TOMM34: variants seen among roughly 807,000 people sequenced by gnomAD.
TOMM34 encodes mitochondrial import receptor subunit TOM34.
Under a neutral mutation model 37.4 loss-of-function variants are expected in TOMM34, and 24 were observed. The observed-to-expected ratio is 0.64, with a 90% confidence interval of 0.46 to 0.90. The LOEUF (loss-of-function observed/expected upper bound fraction) is 0.90, where lower values mean the gene tolerates loss of function less well. Ranked by LOEUF, TOMM34 falls within the 40% of genes least tolerant of loss-of-function variation. TOMM34 has a pLI of 0.00. For synonymous variants in TOMM34, 154 were observed against 148.9 expected (o/e 1.03, Z -0.25); for missense variants, 304 against 375.6 (o/e 0.81, Z 1.58).
At chr20:44,960,029 A>G (rs1026882962) in intron 1 of TOMM34, 178 bp downstream of exon 1, 1 of 980,808 alleles carries the variant, frequency 1.0e-6, no homozygotes. Flanking sequence ...CCAACAGGGC[A>G]GTTAACAAGC....
intron 1 of TOMM34, among the ~76,000 whole-genome samples, chr20:44,957,072 C>T (rs1429064221): frequency 6.6e-6 from 1 of 152,128 alleles, no homozygotes; most frequent in African/African-American, 2.4e-5. Context: ...AGAACTTAAT[C>T]AGGAAAAAGT....
In TOMM34 at chr20:44,956,460, A is replaced by C; in HGVS notation, c.153T>G (p.Ser51Arg). Residue 51 changes from serine (S) to arginine (R), a missense_variant, in exon 2 of 7, where the codon AGT (serine) becomes AGG (arginine). Transcript: ENST00000372813. The stretch of plus-strand genomic sequence containing the variant: ...ATGCTGCTCGGTTGGAGTAGAGAAC[A>C]CTTTCTTCTTCTGGGTCTGAAGAAC... ...AQGSSDPEEE[S>R]VLYSNRAACH... 2 of 1,614,186 alleles carry C rather than the reference A, an allele frequency of 1.2e-6. No individual in the cohort carries two copies. The highest frequency in any genetic ancestry group is 1.7e-6 in the Non-Finnish European group (2 of 1,180,026).
chr20:44,960,282 C>A lies in TOMM34; in HGVS notation c.52G>T (p.Glu18Ter). 6.3e-7 allele frequency: 1 copy of A among 1,582,460 alleles called. No homozygotes were observed. The highest frequency in any genetic ancestry group is 1.2e-5 in the South Asian group (1 of 86,610). Residue 18 changes from glutamate to a stop codon, truncating the protein, a stop_gained, in exon 1 of 7, where the codon GAG becomes TAG. Transcript: ENST00000372813. LOFTEE classifies it high-confidence loss of function. ...SVEELRAAGN[E>*]SFRNGQYAEA... ...GCGTACTGGCCGTTGCGGAAACTCT[C>A]ATTGCCGGCGGCGCGGAGCTCCTCC...
Position 44,942,988 on chromosome 20 carries a change from T to C in TOMM34, c.*121A>G. On this transcript the variant is annotated 3_prime_UTR_variant, in exon 7 of 7. Transcript: ENST00000372813. ...ACAGGGTGGGAGGCCATCAAGGGAT[T>C]GAGGAGGGGGCTTCAGAGCTCACTT... The C allele has an allele frequency of 1.2e-6, 1 of 854,048 alleles. No individual in the cohort carries two copies. The highest frequency in any genetic ancestry group is 1.9e-6 in the Non-Finnish European group (1 of 524,538). 52.9% of individuals were successfully genotyped at this position (854,048 alleles called of 1,614,324 possible). A position where few individuals can be genotyped will look rare whatever the true frequency, so the allele number is the denominator to read the frequency against.
intron 2 of TOMM34, chr20:44,955,610 A>G: frequency 2.2e-6 from 1 of 459,752 alleles, no homozygotes; most frequent in Non-Finnish European, 4.4e-6. Flanking sequence ...GCTGCTAACT[A>G]TGTGACCCAG....
rs1013997936 is a variant in TOMM34 at position 44,943,463 on chromosome 20, T to C, written c.815A>G (p.Lys272Arg). The change falls in exon 6 of 7, where the codon AAA (lysine) becomes AGA (arginine). Residue 272 changes from lysine (K) to arginine (R), a missense_variant. Transcript: ENST00000372813. ...KAFYRRAQAH[K>R]ALKDYKSSFA... ...AGGATTTTTTTTTACCTTGAGTGCT[T>C]TGTGGGCTTGAGCCCGTCTGTAGAA... 3.7e-6 allele frequency: 6 copies of C among 1,614,070 alleles called. No homozygotes were observed. The Admixed American group carries it at 8.3e-5, about 22-fold the overall frequency.
chr20:44,952,125 CG>C, intron 3 of TOMM34, 123 bp from the exon 4 acceptor site: 1 of 1,168,720 alleles, frequency 8.6e-7, no homozygotes, highest in Non-Finnish European at 1.2e-6. Flanking sequence ...TCCCCCTGGT[CG>C]GAACCACCTC....
chr20:44,959,443 C>T (rs566695925), intron 1 of TOMM34, among the ~76,000 whole-genome samples: 1 of 152,268 alleles, frequency 6.6e-6, no homozygotes, highest in South Asian at 2.1e-4. Context: ...TCCCATCCAG[C>T]AGCTTTCATG....
chr20:44,943,234 A>C (rs377021971), intron 6 of TOMM34, 21 bp from the exon 7 acceptor site: 5 of 1,613,464 alleles, frequency 3.1e-6, no homozygotes, highest in Admixed American at 3.3e-5. Context: ...AAAAGACAGG[A>C]GTGTGGGGGA....
At chr20:44,945,591 A>G (rs575994782) in intron 5 of TOMM34, among the ~76,000 whole-genome samples, 2 of 152,352 alleles carry the variant, frequency 1.3e-5, no homozygotes, top group African/African-American at 4.8e-5. Flanking sequence ...AAAGGCTGCT[A>G]AGAAAGTGGA....
In TOMM34 at chr20:44,956,482, G is replaced by C. The variant is rs367808803; in HGVS notation, c.131C>G (p.Ser44Cys). The change falls in exon 2 of 7, where the codon TCT becomes TGT. Residue 44 changes from serine to cysteine, a missense_variant. Physicochemically the swap from Ser to Cys is moderately radical, Grantham distance 112. Transcript: ENST00000372813. ...AACACTTTCTTCTTCTGGGTCTGAA[G>C]AACCTGCCCAGATAGAGTGGGGAAG... ...RALRVLQAQG[S>C]SDPEEESVLY... 1 of 1,614,142 alleles carries C rather than the reference G, an allele frequency of 6.2e-7. No individual in the cohort carries two copies. Among genetic ancestry groups the C allele is most frequent in the East Asian group, 2.2e-5 (1 of 44,880 alleles).
At chr20:44,944,107 A>G (rs1772832302) in intron 5 of TOMM34, among the ~76,000 whole-genome samples, 1 of 152,222 alleles carries the variant, frequency 6.6e-6, no homozygotes, top group African/African-American at 2.4e-5. Context: ...AAATAGTGAT[A>G]AGGCAATGTA....
In TOMM34 at chr20:44,942,387, G is replaced by C. The variant is rs1017879548; in HGVS notation, c.*722C>G. 2.0e-5 allele frequency: 3 copies of C among 152,354 alleles called. No individual in the cohort carries two copies. The highest frequency in any genetic ancestry group is 1.3e-4 in the Admixed American group (2 of 15,282). The allele number at this position is 152,354 out of a possible 1,614,324, so 9.4% of individuals were successfully genotyped here. A position where few individuals can be genotyped will look rare whatever the true frequency, so the allele number is the denominator to read the frequency against. On this transcript the variant is annotated 3_prime_UTR_variant, in exon 7 of 7. Transcript: ENST00000372813. ...AGAAAGCATGGACACTGACCAAGGA[G>C]GCCTCTTGCCCCCTCCCACCTCTAG...
At chr20:44,943,632 C>T (rs947420176) in intron 5 of TOMM34, 53 bp from the exon 6 acceptor site, 1 of 1,610,676 alleles carries the variant, frequency 6.2e-7, no homozygotes, top group African/African-American at 1.3e-5. Flanking sequence ...GGGCCACCCA[C>T]ATGCCACGCA....
rs781284845 is a variant in TOMM34, at chr20:44,948,893, G to C, written c.551-16C>G. On this transcript the variant is annotated splice_polypyrimidine_tract_variant and intron_variant, in intron 4 of 6. Transcript: ENST00000372813. Reference sequence around the variant, plus strand: ...GCAGAAGGCACTAGATACAAATTCAGAAGAGGAAAAAAACCATGGAGCAGC... The same window carrying C: ...GCAGAAGGCACTAGATACAAATTCACAAGAGGAAAAAAACCATGGAGCAGC... The C allele has an allele frequency of 3.7e-6, 6 of 1,612,328 alleles. No homozygotes were observed. In the South Asian group the frequency reaches 6.6e-5, roughly 18 times the overall value.
Position 44,955,204 on chromosome 20 carries a change from G to T in TOMM34, c.244C>A (p.Pro82Thr). The change falls in exon 3 of 7, where the codon CCC (proline) becomes ACC (threonine). Residue 82 changes from proline to threonine, a missense_variant. Coordinates refer to ENST00000372813, the MANE Select transcript of TOMM34 (RefSeq NM_006809.5). ...KDCTSALALV[P>T]FSIKPLLRRA... is the part of the protein sequence containing the mutation. ...CGCAGCAGGGGCTTAATGCTGAAGG[G>T]AACCAAGGCCAGTGCTCTAGAATAG... 6.2e-7 allele frequency: 1 copy of T among 1,614,096 alleles called. No homozygotes were observed.
intron 2 of TOMM34, 147 bp downstream of exon 2, chr20:44,956,239 A>G: frequency 1.3e-6 from 1 of 791,642 alleles, no homozygotes; most frequent in Admixed American, 2.3e-5. Flanking sequence ...TCCCATTCTC[A>G]GTGACCTGGT....
At chr20:44,951,665 C>G (rs968197244) in intron 4 of TOMM34, among the ~76,000 whole-genome samples, 168 bp downstream of exon 4, 27 of 152,204 alleles carry the variant, frequency 1.8e-4, no homozygotes, top group African/African-American at 6.3e-4. Flanking sequence ...CCTCACTATA[C>G]AGCTGAGAAA....
intron 1 of TOMM34, among the ~76,000 whole-genome samples, chr20:44,958,138 A>G (rs978517557): frequency 1.6e-5 from 2 of 125,724 alleles, no homozygotes; most frequent in Non-Finnish European, 3.4e-5. Context: ...ATGTATATGT[A>G]TATATATGTG....
Sources: allele counts gnomAD v4.1 joint callset (sites outside exome capture counted in the v4.1 genomes callset), GRCh38; gene constraint gnomAD v4.1.1; transcripts MANE v1.5; gene names NCBI Gene and HGNC (gene_info 2026-07-23, HGNC 2026-07-21).